CTNNAL1: variants seen among roughly 807,000 people sequenced by gnomAD.
The protein encoded by CTNNAL1 is catenin alpha like 1, also known as alpha-catulin.
A neutral mutation model predicts 93.6 loss-of-function variants in CTNNAL1; 69 were observed. That is an observed-to-expected ratio of 0.74 (90% CI 0.61 to 0.90). The LOEUF (loss-of-function observed/expected upper bound fraction) is 0.90, where lower values mean the gene tolerates loss of function less well. Ranked by LOEUF, CTNNAL1 falls within the 40% of genes least tolerant of loss-of-function variation. CTNNAL1 has a pLI of 0.00. For synonymous variants in CTNNAL1, 286 were observed against 305.4 expected, an observed-to-expected ratio of 0.94 and a Z score of 0.66; for missense variants, 836 against 862.0, an observed-to-expected ratio of 0.97 and a Z score of 0.38.
chr9:108,966,365 C>T (rs1830952556), intron 10 of CTNNAL1, among the ~76,000 whole-genome samples: 1 of 152,196 alleles, frequency 6.6e-6, no homozygotes, highest in Admixed American at 6.5e-5. Context: ...TTTGTCTTCC[C>T]TCTGGATACA....
In CTNNAL1 at chr9:108,982,516, A is replaced by G. The variant is rs182278024; in HGVS notation, c.900+629T>C. 1.2e-4 allele frequency among the ~76,000 whole-genome samples: 18 copies of G among 152,304 alleles called. No homozygotes were observed. In the East Asian group the frequency reaches 3.3e-3, roughly 28 times the overall value. Reference sequence around the variant, plus strand: ...ATCATCCTATGGATGGTACTGCTCAAAAAGATATGGCACTGCTCAAAAAAC... The same window carrying G: ...ATCATCCTATGGATGGTACTGCTCAGAAAGATATGGCACTGCTCAAAAAAC... On this transcript the variant is annotated intron_variant, in intron 6 of 18. Transcript: ENST00000325551.
In CTNNAL1 at chr9:108,965,392, A is replaced by T; in HGVS notation, c.1577T>A (p.Phe526Tyr). Residue 526 changes from phenylalanine (F) to tyrosine (Y), a missense_variant, in exon 11 of 19, where the codon TTT becomes TAT. Physicochemically the swap from Phe to Tyr is conservative, Grantham distance 22. Coordinates refer to ENST00000325551, the MANE Select transcript of CTNNAL1 (RefSeq NM_003798.4). ...STLLREINDV[F>Y]EGRRGEKYGY... The stretch of plus-strand genomic sequence containing the variant: ...CAGTTTCTCACCTCGTCTTCCTTCA[A>T]ACACGTCATTGATTTCTCTCAGCAG... 6.7e-7 allele frequency: 1 copy of T among 1,484,784 alleles called. No homozygotes were observed. Among genetic ancestry groups the T allele is most frequent in the Non-Finnish European group, 9.0e-7 (1 of 1,110,682 alleles). 92.0% of individuals were successfully genotyped at this position (1,484,784 alleles called of 1,614,324 possible). A position where few individuals can be genotyped will look rare whatever the true frequency, so the allele number is the denominator to read the frequency against.
intron 11 of CTNNAL1, among the ~76,000 whole-genome samples, chr9:108,964,833 T>A (rs1043264545): frequency 1.3e-5 from 2 of 149,664 alleles, no homozygotes; most frequent in Admixed American, 1.3e-4. Flanking sequence ...AGATCTACTA[T>A]GCTGTTTGTT....
chr9:108,953,715 T>C (rs550498698), intron 12 of CTNNAL1, among the ~76,000 whole-genome samples: 57 of 152,318 alleles, frequency 3.7e-4, no homozygotes, highest in Admixed American at 9.1e-4. Context: ...TCATGGAACA[T>C]AGCCCTTTTG....
chr9:109,005,722 G>A (rs1827004716), intron 1 of CTNNAL1, among the ~76,000 whole-genome samples: 1 of 152,170 alleles, frequency 6.6e-6, no homozygotes, highest in African/African-American at 2.4e-5. Flanking sequence ...AACAGATTAA[G>A]GTGATTCTGT....
At chr9:108,980,803 T>C (rs981962043) in intron 6 of CTNNAL1, among the ~76,000 whole-genome samples, 1 of 152,226 alleles carries the variant, frequency 6.6e-6, no homozygotes, top group Admixed American at 6.5e-5. Context: ...ATACCATTTA[T>C]GTTAAGGTTT....
rs375950356 is a variant in CTNNAL1, at chr9:108,943,976, C to A, written c.1927G>T (p.Ala643Ser). 5 of 1,613,746 alleles carry A rather than the reference C, an allele frequency of 3.1e-6. No homozygotes were observed. In the Admixed American group the frequency reaches 8.3e-5, roughly 27 times the overall value. ...EGLKLTSSVQ[A>S]FSKQLKDDDK... ...ACATGTGTTACCTGTTTTGAAAAAGCTTGAACACTGGAAGTAAGCTTTAAA... is the reference window on the plus strand; with the variant it reads ...ACATGTGTTACCTGTTTTGAAAAAGATTGAACACTGGAAGTAAGCTTTAAA... Residue 643 changes from alanine to serine, a missense_variant, in exon 16 of 19, where the codon GCT becomes TCT. Transcript: ENST00000325551.
intron 4 of CTNNAL1, among the ~76,000 whole-genome samples, chr9:108,985,795 G>A (rs902965527): frequency 6.6e-6 from 1 of 152,094 alleles, no homozygotes; most frequent in Non-Finnish European, 1.5e-5. Context: ...TGCATCAAGT[G>A]TGTATGCCAT....
intron 8 of CTNNAL1, 31 bp from the exon 9 acceptor site, chr9:108,972,864 G>GGGGCGCCCCCCCCC: frequency 3.5e-5 from 5 of 142,512 alleles, no homozygotes; most frequent in Non-Finnish European, 5.0e-5. Flanking sequence ...GGGGGGGTGG[G>GGGGCGCCCCCCCCC]AGGGTGGAGA....
chr9:108,997,174 T>C (rs1296094623), intron 2 of CTNNAL1, among the ~76,000 whole-genome samples: 1 of 152,206 alleles, frequency 6.6e-6, no homozygotes, highest in Non-Finnish European at 1.5e-5. Flanking sequence ...AGTGAATGGC[T>C]AGAAATCCAA....
At chr9:108,982,302 T>C (rs748148543) in intron 6 of CTNNAL1, among the ~76,000 whole-genome samples, 1 of 152,232 alleles carries the variant, frequency 6.6e-6, no homozygotes, top group Non-Finnish European at 1.5e-5. Flanking sequence ...TTGAGGATTA[T>C]ATAAGTTCAT....
chr9:108,974,170 C>G (rs1227178773), intron 8 of CTNNAL1, among the ~76,000 whole-genome samples: 2 of 152,178 alleles, frequency 1.3e-5, no homozygotes, highest in African/African-American at 2.4e-5. Flanking sequence ...TACATTATCT[C>G]CCTTAATCCT....
intron 10 of CTNNAL1, among the ~76,000 whole-genome samples, chr9:108,966,583 A>G (rs1252214123): frequency 6.6e-6 from 1 of 152,182 alleles, no homozygotes; most frequent in Non-Finnish European, 1.5e-5. Context: ...GCGAGGCACA[A>G]AATGAAAGGG....
chr9:108,963,218 G>A (rs1446498088), intron 11 of CTNNAL1, among the ~76,000 whole-genome samples: 1 of 152,218 alleles, frequency 6.6e-6, no homozygotes, highest in East Asian at 1.9e-4. Flanking sequence ...GGAAAAGCCT[G>A]TTATAACTCC....
At chr9:109,008,249 C>T in intron 1 of CTNNAL1, among the ~76,000 whole-genome samples, 1 of 151,132 alleles carries the variant, frequency 6.6e-6, no homozygotes. Context: ...CCTCTGACTC[C>T]CAGGTTCAAG....
chr9:108,993,393 A>C (rs1831890325), intron 2 of CTNNAL1, among the ~76,000 whole-genome samples: 1 of 152,242 alleles, frequency 6.6e-6, no homozygotes, highest in African/African-American at 2.4e-5. Context: ...AGAAACAATA[A>C]GGAAGTTTGT....
chr9:108,947,366 G>A (rs1270116487), intron 15 of CTNNAL1, among the ~76,000 whole-genome samples: 1 of 152,048 alleles, frequency 6.6e-6, no homozygotes, highest in East Asian at 1.9e-4. Context: ...ACCCACCTTG[G>A]CCTCCCAAAG....
intron 8 of CTNNAL1, among the ~76,000 whole-genome samples, chr9:108,974,077 G>C (rs1417766483): frequency 8.5e-5 from 13 of 152,186 alleles, no homozygotes; most frequent in Admixed American, 8.5e-4. Context: ...CCAAGGTCAT[G>C]TAACTCTTGT....
chr9:108,955,840 C>T lies in CTNNAL1; in HGVS notation c.1592-13G>A, dbSNP rs756075866. On this transcript the variant is annotated splice_polypyrimidine_tract_variant and intron_variant, in intron 11 of 18. Transcript: ENST00000325551. The stretch of plus-strand genomic sequence containing the variant: ...CCATACTTCTCTCCTACAAATAACA[C>T]ATATAACTTAAAAAATTTTTTCTAT... The T allele has an allele frequency of 5.2e-6, 8 of 1,548,434 alleles. No homozygotes were observed. Among genetic ancestry groups the T allele is most frequent in the Non-Finnish European group, 6.1e-6 (7 of 1,150,218 alleles).
Sources: allele counts gnomAD v4.1 joint callset (sites outside exome capture counted in the v4.1 genomes callset), GRCh38; gene constraint gnomAD v4.1.1; transcripts MANE v1.5; gene names NCBI Gene and HGNC (gene_info 2026-07-23, HGNC 2026-07-21).